The following ALKBH8 variants were observed in gnomAD, a reference collection of about 807,000 sequenced individuals.
ALKBH8 encodes the protein alkB homolog 8, tRNA methyltransferase.
ALKBH8 carries 36 observed loss-of-function variants against 59.8 expected under a neutral mutation model. That is an observed-to-expected ratio of 0.60 (90% CI 0.46 to 0.79). The LOEUF (loss-of-function observed/expected upper bound fraction) is 0.79, where lower values mean the gene tolerates loss of function less well. Ranked by LOEUF, ALKBH8 falls within the 30% of genes least tolerant of loss-of-function variation. The probability of loss-of-function intolerance (pLI) is 0.00; values close to 1 mark genes in which losing one functional copy is unlikely to be tolerated. For synonymous variants in ALKBH8, 276 were observed against 273.6 expected (o/e 1.01, Z -0.09); for missense variants, 768 against 801.0 (o/e 0.96, Z 0.50).
chr11:107,508,125 T>G (rs1412985298), intron 11 of ALKBH8, among the ~76,000 whole-genome samples: 1 of 151,974 alleles, frequency 6.6e-6, no homozygotes, highest in Admixed American at 6.6e-5. Flanking sequence ...TTCTCCATCT[T>G]GTGCCCAGCT....
intron 7 of ALKBH8, among the ~76,000 whole-genome samples, chr11:107,539,842 C>A (rs1474309986): frequency 6.6e-6 from 1 of 152,202 alleles, no homozygotes; most frequent in Admixed American, 6.5e-5. Context: ...CTGTAATCAA[C>A]ATACAGGACC....
chr11:107,509,016 G>A (rs748739199), intron 11 of ALKBH8, among the ~76,000 whole-genome samples: 7 of 152,144 alleles, frequency 4.6e-5, no homozygotes, highest in African/African-American at 1.7e-4. Context: ...ATTCTTTTGG[G>A]TATATATCTA....
At position 107,520,372 on chromosome 11, in the gene ALKBH8, C is replaced by T. The variant is rs956551213; in HGVS notation, c.1287+1927G>A. 5.3e-5 allele frequency among the ~76,000 whole-genome samples: 8 copies of T among 152,324 alleles called. 1 individual carries two copies. Among genetic ancestry groups the T allele is most frequent in the Admixed American group, 5.2e-4 (8 of 15,308 alleles). On this transcript the variant is annotated intron_variant, in intron 10 of 11. Coordinates refer to ENST00000428149, the MANE Select transcript of ALKBH8 (RefSeq NM_138775.3). ...CCAAATATATTCCCTCTGGAATCAG[C>T]TGCAGATTGTGTTCGTTTTCTGTTT...
At chr11:107,552,954 A>C (rs1220604649) in intron 5 of ALKBH8, among the ~76,000 whole-genome samples, 154 bp downstream of exon 5, 1 of 152,174 alleles carries the variant, frequency 6.6e-6, no homozygotes, top group Non-Finnish European at 1.5e-5. Flanking sequence ...TTTACAACAA[A>C]ACTATACAAT....
chr11:107,548,097 A>C (rs546318053), intron 7 of ALKBH8, among the ~76,000 whole-genome samples: 7 of 152,318 alleles, frequency 4.6e-5, no homozygotes, highest in Middle Eastern at 3.4e-3. Context: ...TCCTGAAAAC[A>C]AGGAATGCCT....
chr11:107,517,219 C>A (rs955351199), intron 10 of ALKBH8, among the ~76,000 whole-genome samples: 7 of 152,094 alleles, frequency 4.6e-5, no homozygotes, highest in African/African-American at 1.4e-4. Context: ...TGAGATTTTA[C>A]CTCACACTTG....
At chr11:107,560,422 C>T (rs549654844) in intron 2 of ALKBH8, among the ~76,000 whole-genome samples, 21 of 152,178 alleles carry the variant, frequency 1.4e-4, no homozygotes, top group African/African-American at 5.1e-4. Flanking sequence ...CATATCATAA[C>T]CTCTCAGAAC....
chr11:107,522,863 C>T (rs938345801), intron 9 of ALKBH8, among the ~76,000 whole-genome samples: 1 of 151,920 alleles, frequency 6.6e-6, no homozygotes, highest in Admixed American at 6.6e-5. Context: ...GGAGCTCTTG[C>T]ACACTGTTGG....
chr11:107,505,009 C>T lies in ALKBH8; in HGVS notation c.1644G>A (p.Met548Ile), dbSNP rs865927357. Reference sequence around the variant, plus strand: ...CAGAAGATGCCGAGTCTCGACTGCCCATGTCACGCATTTGCTCCACAAGTG... The same window carrying T: ...CAGAAGATGCCGAGTCTCGACTGCCTATGTCACGCATTTGCTCCACAAGTG... ...QRSLVEQMRD[M>I]GSRDSASSVP... Residue 548 changes from methionine to isoleucine, a missense_variant, in exon 12 of 12, where the codon ATG (methionine) becomes ATA (isoleucine). Met to Ile is a conservative substitution (Grantham distance 10). Coordinates refer to ENST00000428149, the MANE Select transcript of ALKBH8 (RefSeq NM_138775.3). 7.1e-6 allele frequency: 11 copies of T among 1,551,572 alleles called. No individual in the cohort carries two copies. The African/African-American group carries it at 1.1e-4, about 15-fold the overall frequency.
intron 10 of ALKBH8, 81 bp downstream of exon 10, chr11:107,522,218 C>T (rs1863141484): frequency 2.1e-6 from 3 of 1,440,352 alleles, no homozygotes; most frequent in African/African-American, 2.9e-5. Context: ...TCTAAAAAAA[C>T]AGGATTATAT....
chr11:107,534,160 T>A (rs962846485), intron 7 of ALKBH8, among the ~76,000 whole-genome samples: 49 of 152,052 alleles, frequency 3.2e-4, no homozygotes, highest in Non-Finnish European at 4.9e-4. Context: ...ATAAATAAAT[T>A]CATAATAAAT....
At chr11:107,527,129 T>C (rs1482930064) in intron 8 of ALKBH8, among the ~76,000 whole-genome samples, 1 of 151,966 alleles carries the variant, frequency 6.6e-6, no homozygotes, top group Non-Finnish European at 1.5e-5. Context: ...ACTGTCTCCA[T>C]AGATTTTGGG....
In ALKBH8 at chr11:107,565,707, C is replaced by T. The variant is rs1865108678; in HGVS notation, c.-113G>A. ...GCAGCGGATACTTGCACGCCATCTC[C>T]CCTGGGCGCGGCCATGTTGGAGAAA... On this transcript the variant is annotated 5_prime_UTR_variant, in exon 1 of 12. Coordinates refer to ENST00000428149, the MANE Select transcript of ALKBH8 (RefSeq NM_138775.3). 1 of 1,530,434 alleles carries T rather than the reference C, an allele frequency of 6.5e-7. No individual in the cohort carries two copies. The highest frequency in any genetic ancestry group is 1.2e-5 in the South Asian group (1 of 83,982). 94.8% of individuals were successfully genotyped at this position (1,530,434 alleles called of 1,614,324 possible).
chr11:107,522,703 A>G lies in ALKBH8; in HGVS notation c.1031-148T>C, dbSNP rs904671043. 13 of 1,008,052 alleles carry G rather than the reference A, an allele frequency of 1.3e-5. No homozygotes were observed. The South Asian group carries it at 1.6e-4, about 12-fold the overall frequency. 62.4% of individuals were successfully genotyped at this position (1,008,052 alleles called of 1,614,324 possible). A position where few individuals can be genotyped will look rare whatever the true frequency, so the allele number is the denominator to read the frequency against. On this transcript the variant is annotated intron_variant, in intron 9 of 11. Coordinates refer to ENST00000428149, the MANE Select transcript of ALKBH8 (RefSeq NM_138775.3). ...CGTTAAAAGAAAAAGTTCTTCCCTA[A>G]TAAGTCTACTGAGGACTGCTTGAGT...
intron 7 of ALKBH8, among the ~76,000 whole-genome samples, chr11:107,547,512 C>T (rs1864313759): frequency 6.6e-6 from 1 of 152,164 alleles, no homozygotes; most frequent in Admixed American, 6.5e-5. Flanking sequence ...CTTTCACATA[C>T]ATTACCTCAT....
rs561174566 is a variant in ALKBH8, at chr11:107,553,935, G to A, written c.411C>T (p.Leu137=). The stretch of plus-strand genomic sequence containing the variant: ...AAGAAATTATTTCTTCTACTACCAT[G>A]AGTCCTGGTGGTAAGGCTTGAGGCC... ...ELRPQALPPG[L]MVVEEIISSE... Residue 137 remains leucine (L), a synonymous_variant, in exon 4 of 12, where the codon CTC becomes CTT. Coordinates refer to ENST00000428149, the MANE Select transcript of ALKBH8 (RefSeq NM_138775.3). 1.7e-4 allele frequency: 269 copies of A among 1,613,812 alleles called. 2 individuals are homozygous for A. The South Asian group carries it at 2.8e-3, about 17-fold the overall frequency.
intron 7 of ALKBH8, among the ~76,000 whole-genome samples, chr11:107,537,071 G>A (rs987455117): frequency 2.0e-5 from 3 of 152,202 alleles, no homozygotes; most frequent in Non-Finnish European, 4.4e-5. Context: ...TTTCAGCCTG[G>A]AGCCAGACTC....
At chr11:107,540,034 AAATACC>A (rs1863974873) in intron 7 of ALKBH8, among the ~76,000 whole-genome samples, 1 of 152,192 alleles carries the variant, frequency 6.6e-6, no homozygotes, top group Non-Finnish European at 1.5e-5. Flanking sequence ...GGCAGCAGCT[AAATACC>A]ACTGTGGTCC....
At chr11:107,513,904 G>A (rs976717384) in intron 10 of ALKBH8, among the ~76,000 whole-genome samples, 3 of 152,094 alleles carry the variant, frequency 2.0e-5, no homozygotes, top group African/African-American at 2.4e-5. Flanking sequence ...TCAAAGTGGC[G>A]GGGTGGTGTA....
Sources: gnomAD v4.1 joint callset for allele counts (sites outside exome capture counted in the v4.1 genomes callset) on GRCh38, gnomAD v4.1.1 for gene constraint, MANE v1.5 for transcripts, NCBI Gene and HGNC (gene_info 2026-07-23, HGNC 2026-07-21) for gene names.